The following INPP5A variants were observed in gnomAD, a reference collection of about 807,000 sequenced individuals.
The protein encoded by INPP5A is inositol polyphosphate-5-phosphatase A, also known as 43 kDa inositol polyphosphate 5-phophatase.
A neutral mutation model predicts 65.2 loss-of-function variants in INPP5A; 14 were observed. That is an observed-to-expected ratio of 0.21 (90% confidence interval 0.14 to 0.34). The LOEUF (loss-of-function observed/expected upper bound fraction) is 0.34. Among genes scored for constraint, INPP5A ranks in the 10% least tolerant of loss-of-function variants. The probability of loss-of-function intolerance (pLI) is 1.00; values close to 1 mark genes in which losing one functional copy is unlikely to be tolerated. For missense variants in INPP5A, 431 were observed against 545.6 expected, an observed-to-expected ratio of 0.79 and a Z score of 2.09; for synonymous variants, 207 against 208.3, an observed-to-expected ratio of 0.99 and a Z score of 0.05.
intron 8 of INPP5A, among the ~76,000 whole-genome samples, chr10:132,715,104 T>A (rs1331226909): frequency 6.6e-6 from 1 of 152,170 alleles, no homozygotes; most frequent in East Asian, 1.9e-4. Context: ...GACACACAGG[T>A]CAGCCCTTGG....
At chr10:132,556,908 T>C (rs1233298561) in intron 1 of INPP5A, among the ~76,000 whole-genome samples, 1 of 152,214 alleles carries the variant, frequency 6.6e-6, no homozygotes, top group Non-Finnish European at 1.5e-5. Flanking sequence ...CTTCTGTCAT[T>C]GTGCTCCCTG....
At chr10:132,781,775 G>T (rs1476767937) in intron 14 of INPP5A, 86 bp from the exon 15 acceptor site, 1 of 1,103,884 alleles carries the variant, frequency 9.1e-7, no homozygotes, top group South Asian at 1.2e-5. Context: ...TGAGACGCAG[G>T]GTCTGGGGGT....
chr10:132,688,967 G>C (rs1235365934), intron 4 of INPP5A, among the ~76,000 whole-genome samples: 1 of 152,212 alleles, frequency 6.6e-6, no homozygotes, highest in Non-Finnish European at 1.5e-5. Flanking sequence ...TGTTGTGTGT[G>C]CATGAGTGTA....
At chr10:132,692,266 T>G (rs1845281098) in intron 5 of INPP5A, among the ~76,000 whole-genome samples, 1 of 151,826 alleles carries the variant, frequency 6.6e-6, no homozygotes. Context: ...GAGAATAAAT[T>G]TGAAAACAGA....
intron 5 of INPP5A, among the ~76,000 whole-genome samples, chr10:132,692,830 C>T (rs1845289648): frequency 6.6e-6 from 1 of 152,114 alleles, no homozygotes; most frequent in African/African-American, 2.4e-5. Flanking sequence ...TCATATAGCC[C>T]AGAAACTCTG....
At chr10:132,695,148 A>G (rs1442374007) in intron 5 of INPP5A, among the ~76,000 whole-genome samples, 2 of 152,190 alleles carry the variant, frequency 1.3e-5, no homozygotes, top group Non-Finnish European at 2.9e-5. Flanking sequence ...GTTATATACT[A>G]TGACCAACCG....
chr10:132,630,582 T>TCCATGAGGGGAAGACGC (rs2072253327), intron 2 of INPP5A, among the ~76,000 whole-genome samples: 1 of 150,422 alleles, frequency 6.6e-6, no homozygotes. Flanking sequence ...GAGGAAGACG[T>TCCATGAGGGGAAGACGC]CCATGAGGGG....
rs2071120667 is a variant in INPP5A, at chr10:132,555,985, T to C, written c.75+17814T>C. On this transcript the variant is annotated intron_variant, in intron 1 of 15. Transcript: ENST00000368594. The surrounding 1 kb of genome is among the most constrained non-coding windows in gnomAD (Gnocchi z 4.4). ...TGATGGAGAAAATTCAGTTCCAGAC[T>C]TGGGTGGAACCTGAGTTGGGGTCTG... Among the ~76,000 whole-genome samples, 1 of 151,954 alleles carries C rather than the reference T, an allele frequency of 6.6e-6. No homozygotes were observed. Among genetic ancestry groups the C allele is most frequent in the Admixed American group, 6.6e-5 (1 of 15,252 alleles).
At chr10:132,615,874 C>T (rs573601141) in intron 2 of INPP5A, among the ~76,000 whole-genome samples, 2 of 152,090 alleles carry the variant, frequency 1.3e-5, no homozygotes, top group Non-Finnish European at 2.9e-5. Context: ...GGGTGTCTGC[C>T]GCTCTGGGCG....
intron 1 of INPP5A, among the ~76,000 whole-genome samples, chr10:132,602,418 C>T (rs745510612): frequency 3.9e-5 from 6 of 152,174 alleles, no homozygotes; most frequent in African/African-American, 7.2e-5. Context: ...CCTCAGCTCC[C>T]GAGTAGCTGG....
intron 1 of INPP5A, among the ~76,000 whole-genome samples, chr10:132,557,402 G>A (rs1466152573): frequency 4.6e-5 from 7 of 152,266 alleles, no homozygotes; most frequent in Admixed American, 6.5e-5. Context: ...CAGTGTCACC[G>A]TGCTGCAGAG....
intron 4 of INPP5A, among the ~76,000 whole-genome samples, chr10:132,681,856 G>A (rs948490659): frequency 6.6e-6 from 1 of 152,172 alleles, no homozygotes; most frequent in Non-Finnish European, 1.5e-5. Context: ...TGACCCAACC[G>A]TAAAAAGGAA....
rs181560762 is a variant in INPP5A at position 132,701,749 on chromosome 10, C to T, written c.474+3830C>T. Among the ~76,000 whole-genome samples, 8 of 152,054 alleles carry T rather than the reference C, an allele frequency of 5.3e-5. No individual in the cohort carries two copies. In the East Asian group the frequency reaches 9.7e-4, roughly 18 times the overall value. ...TCTGGGGACCTCCTTCCTCTTGGGCCACCCCACCCCACCCCAGCCCTGGCT... is the reference window on the plus strand; with the variant it reads ...TCTGGGGACCTCCTTCCTCTTGGGCTACCCCACCCCACCCCAGCCCTGGCT... On this transcript the variant is annotated intron_variant, in intron 6 of 15. Coordinates refer to ENST00000368594, the MANE Select transcript of INPP5A (RefSeq NM_005539.5).
rs1160929035 is a variant in INPP5A at position 132,616,046 on chromosome 10, G to A, written c.117+8090G>A. Among the ~76,000 whole-genome samples the A allele has an allele frequency of 1.3e-5, 2 of 152,196 alleles. No individual in the cohort carries two copies. The highest frequency in any genetic ancestry group is 3.9e-4 in the East Asian group (2 of 5,188). The stretch of plus-strand genomic sequence containing the variant: ...TCTGTAGCTGCCGGTTCCGGGTCCT[G>A]TGGGGAGCGGTGAGGGATGGTCGTG... On this transcript the variant is annotated intron_variant, in intron 2 of 15. Transcript: ENST00000368594. The surrounding 1 kb of genome is among the most constrained non-coding windows in gnomAD (Gnocchi z 4.9).
intron 2 of INPP5A, among the ~76,000 whole-genome samples, chr10:132,628,468 G>GGC (rs1554937170): frequency 6.7e-6 from 1 of 148,970 alleles, no homozygotes; most frequent in East Asian, 2.0e-4. Flanking sequence ...GGTGGCGGGG[G>GGC]GGGGGGGGGG....
chr10:132,670,242 C>G (rs1260734351), intron 4 of INPP5A, among the ~76,000 whole-genome samples: 2 of 97,762 alleles, frequency 2.0e-5, no homozygotes, highest in Non-Finnish European at 4.3e-5. Flanking sequence ...CCCCCTGACC[C>G]CACACCCCCT....
At chr10:132,761,668 A>G (rs1247948144) in intron 11 of INPP5A, among the ~76,000 whole-genome samples, 1 of 152,180 alleles carries the variant, frequency 6.6e-6, no homozygotes, top group Admixed American at 6.5e-5. Flanking sequence ...GTGGGAGGCC[A>G]GTGCGGTGCA....
chr10:132,616,882 G>A lies in INPP5A; in HGVS notation c.117+8926G>A, dbSNP rs183441317. Among the ~76,000 whole-genome samples, 424 of 152,202 alleles carry A rather than the reference G, an allele frequency of 2.8e-3. 1 individual carries two copies. Among genetic ancestry groups the A allele is most frequent in the African/African-American group, 1.0e-2 (413 of 41,506 alleles). ...GGAGCTCCTGGGCAGTCTGTTCTGG[G>A]AGTGAGGATGTTTGGGGGTTGTGGA... On this transcript the variant is annotated intron_variant, in intron 2 of 15. Transcript: ENST00000368594. The surrounding 1 kb of genome is among the most constrained non-coding windows in gnomAD (Gnocchi z 4.9).
In INPP5A at chr10:132,538,606, A is replaced by C. The variant is rs895121457; in HGVS notation, c.75+435A>C. Among the ~76,000 whole-genome samples, 1 of 151,824 alleles carries C rather than the reference A, an allele frequency of 6.6e-6. No homozygotes were observed. The highest frequency in any genetic ancestry group is 6.6e-5 in the Admixed American group (1 of 15,242). ...CAGCCCTGATTTCCGAATCCTCAGAACCCTGGCCCTGGAATGCCCATCCCC... is the reference window on the plus strand; with the variant it reads ...CAGCCCTGATTTCCGAATCCTCAGACCCCTGGCCCTGGAATGCCCATCCCC... On this transcript the variant is annotated intron_variant, in intron 1 of 15. Transcript: ENST00000368594. The surrounding 1 kb of genome is among the most constrained non-coding windows in gnomAD (Gnocchi z 4.1).
Sources: allele counts gnomAD v4.1 joint callset (sites outside exome capture counted in the v4.1 genomes callset), GRCh38; gene constraint gnomAD v4.1.1; non-coding constraint Gnocchi (gnomAD v3.1); transcripts MANE v1.5; gene names NCBI Gene and HGNC (gene_info 2026-07-23, HGNC 2026-07-21).